The following CACNA1C variants were observed in gnomAD, a reference collection of about 807,000 sequenced individuals.
The protein encoded by CACNA1C is voltage-dependent L-type calcium channel subunit alpha-1C.
In CACNA1C, 30 loss-of-function variants were observed where a neutral mutation model predicts 229.0. That is an observed-to-expected ratio of 0.13 (90% CI 0.10 to 0.18). The LOEUF is 0.18. CACNA1C is among the 10% of genes least tolerant of loss of function. The probability of loss-of-function intolerance (pLI) is 1.00; values close to 1 mark genes in which losing one functional copy is unlikely to be tolerated. For missense variants in CACNA1C, 1,658 were observed against 2,845.0 expected (o/e 0.58, Z 9.49); for synonymous variants, 1,114 against 1,132.5 (o/e 0.98, Z 0.33).
intron 1 of CACNA1C, among the ~76,000 whole-genome samples, chr12:2,008,782 T>C (rs535864933): frequency 5.3e-5 from 8 of 152,310 alleles, no homozygotes; most frequent in African/African-American, 1.7e-4. Flanking sequence ...AAAAGATAAA[T>C]AATGTTGCAA....
intron 9 of CACNA1C, among the ~76,000 whole-genome samples, chr12:2,538,905 A>G (rs533331659): frequency 1.3e-5 from 2 of 152,330 alleles, no homozygotes; most frequent in South Asian, 2.1e-4. Flanking sequence ...GCTCAGGTCT[A>G]TTCTGCGGTG....
At chr12:2,415,745 A>T (rs1197511295) in intron 3 of CACNA1C, among the ~76,000 whole-genome samples, 2 of 152,076 alleles carry the variant, frequency 1.3e-5, no homozygotes, top group African/African-American at 4.8e-5. Context: ...GCTCTCATTG[A>T]GCAGCTAATG....
At chr12:2,581,067 T>A (rs1171437190) in intron 13 of CACNA1C, among the ~76,000 whole-genome samples, 1 of 152,184 alleles carries the variant, frequency 6.6e-6, no homozygotes, top group Non-Finnish European at 1.5e-5. Context: ...GGCTGCTGCC[T>A]ATAGGCTGAG....
At chr12:2,260,624 G>A (rs999609797) in intron 3 of CACNA1C, among the ~76,000 whole-genome samples, 57 of 152,300 alleles carry the variant, frequency 3.7e-4, no homozygotes, top group African/African-American at 1.3e-3. Flanking sequence ...TCCTGGAGTC[G>A]GGGTAGCATC....
chr12:2,304,255 G>A (rs913548887), intron 3 of CACNA1C, among the ~76,000 whole-genome samples: 1 of 152,176 alleles, frequency 6.6e-6, no homozygotes, highest in African/African-American at 2.4e-5. Flanking sequence ...GCGAGGTGGA[G>A]GGCTTGAGGA....
At chr12:2,316,848 G>C (rs1775707192) in intron 3 of CACNA1C, among the ~76,000 whole-genome samples, 1 of 152,204 alleles carries the variant, frequency 6.6e-6, no homozygotes, top group Admixed American at 6.5e-5. Flanking sequence ...GATGGCCAGG[G>C]ACCTCGGGGA....
intron 11 of CACNA1C, among the ~76,000 whole-genome samples, chr12:2,557,990 T>A (rs764226062): frequency 6.6e-6 from 1 of 152,252 alleles, no homozygotes; most frequent in Non-Finnish European, 1.5e-5. Context: ...ATATTGGTTA[T>A]TTTTCATAAT....
Position 2,275,967 on chromosome 12 carries a change from C to T in CACNA1C, c.477+155537C>T, listed in dbSNP as rs552127307. Reference sequence around the variant, plus strand: ...TCCTGGACCCCTCTCAGATACAAAACCCAAGGATGCCCATGTCCTTTTATG... The same window carrying T: ...TCCTGGACCCCTCTCAGATACAAAATCCAAGGATGCCCATGTCCTTTTATG... On this transcript the variant is annotated intron_variant, in intron 3 of 46. Transcript: ENST00000399655. This position sits in a 1 kb window ranked among gnomAD's most constrained non-coding sequence, Gnocchi z 4.1. Among the ~76,000 whole-genome samples the T allele has an allele frequency of 2.4e-4, 36 of 152,286 alleles. No individual in the cohort carries two copies. Among genetic ancestry groups the T allele is most frequent in the Admixed American group, 5.9e-4 (9 of 15,304 alleles).
rs139682377 is a variant in CACNA1C, at chr12:2,174,821, G to A, written c.477+54391G>A. On this transcript the variant is annotated intron_variant, in intron 3 of 46. Transcript: ENST00000399655. Reference sequence around the variant, plus strand: ...TTAGTGTATTCTTACAATAAAGTAGGCTAGAGAAAAGCAAATGTCATTAAG... The same window carrying A: ...TTAGTGTATTCTTACAATAAAGTAGACTAGAGAAAAGCAAATGTCATTAAG... Among the ~76,000 whole-genome samples, 579 of 152,302 alleles carry A rather than the reference G, an allele frequency of 3.8e-3. 7 individuals carry two copies. The highest frequency in any genetic ancestry group is 0.013 in the African/African-American group (558 of 41,562).
chr12:2,119,970 C>T (rs1387092084), intron 2 of CACNA1C, among the ~76,000 whole-genome samples: 2 of 152,230 alleles, frequency 1.3e-5, no homozygotes, highest in African/African-American at 2.4e-5. Flanking sequence ...TGTGAAGAAA[C>T]GGGGTGCTTG....
intron 3 of CACNA1C, among the ~76,000 whole-genome samples, chr12:2,323,495 G>C (rs1045369852): frequency 3.9e-5 from 6 of 152,118 alleles, no homozygotes; most frequent in Non-Finnish European, 8.8e-5. Context: ...AATAGGATTA[G>C]AGTAGACCCA....
At chr12:2,206,374 C>T (rs76603827) in intron 3 of CACNA1C, among the ~76,000 whole-genome samples, 6,953 of 152,242 alleles carry the variant, frequency 0.046, 185 homozygotes, top group South Asian at 0.087. Flanking sequence ...GAGGCTGCTT[C>T]GGATCCGAGA....
At chr12:2,648,416 T>G in intron 30 of CACNA1C, 59 bp from the exon 31 acceptor site, 1 of 1,507,502 alleles carries the variant, frequency 6.6e-7, no homozygotes, top group Non-Finnish European at 9.2e-7. Context: ...AGACCTAGAA[T>G]ACCGGGCATC....
At chr12:2,306,694 G>C (rs761898751) in intron 3 of CACNA1C, among the ~76,000 whole-genome samples, 14 of 152,132 alleles carry the variant, frequency 9.2e-5, no homozygotes, top group Non-Finnish European at 1.8e-4. Context: ...CTTGTAAAAA[G>C]GGTATGTTAG....
At chr12:2,280,192 C>T (rs2090617873) in intron 3 of CACNA1C, among the ~76,000 whole-genome samples, 1 of 131,664 alleles carries the variant, frequency 7.6e-6, no homozygotes, top group Admixed American at 7.2e-5. Context: ...TGCTGTGCTT[C>T]GGTTTAACCT....
At chr12:2,352,506 C>T (rs959169622) in intron 3 of CACNA1C, among the ~76,000 whole-genome samples, 2 of 152,114 alleles carry the variant, frequency 1.3e-5, no homozygotes, top group Admixed American at 6.5e-5. Flanking sequence ...GCTGTCATCC[C>T]GCCTTTTCCA....
chr12:2,668,868 G>T (rs142066269), intron 37 of CACNA1C, 65 bp from the exon 38 acceptor site: 1 of 1,009,838 alleles, frequency 9.9e-7, no homozygotes, highest in African/African-American at 1.6e-5. Context: ...ACTCTGCCAC[G>T]GTGTTCTGCG....
chr12:2,498,004 A>ACACACACACACACAC (rs1598127973), intron 7 of CACNA1C, among the ~76,000 whole-genome samples: 1 of 114,318 alleles, frequency 8.7e-6, no homozygotes, highest in African/African-American at 3.5e-5. Flanking sequence ...CACACACACA[A>ACACACACACACACAC]CAGCTATTAA....
chr12:1,985,095 A>T (rs924712650), intron 1 of CACNA1C, among the ~76,000 whole-genome samples: 1 of 151,374 alleles, frequency 6.6e-6, no homozygotes, highest in Non-Finnish European at 1.5e-5. Flanking sequence ...TGTCATGGGC[A>T]TGGTTTTCTT....
Sources: gnomAD v4.1 joint callset for allele counts (sites outside exome capture counted in the v4.1 genomes callset) on GRCh38, gnomAD v4.1.1 for gene constraint, Gnocchi (gnomAD v3.1) non-coding constraint, MANE v1.5 for transcripts, NCBI Gene and HGNC (gene_info 2026-07-23, HGNC 2026-07-21) for gene names.